ADAM22: variants seen among roughly 807,000 people sequenced by gnomAD.
ADAM22 encodes disintegrin and metalloproteinase domain-containing protein 22.
In ADAM22, 65 loss-of-function variants were observed where a neutral mutation model predicts 144.6. That is an observed-to-expected ratio of 0.45 (90% CI 0.37 to 0.55). The LOEUF (loss-of-function observed/expected upper bound fraction) is 0.55. ADAM22 is among the 20% of genes least tolerant of loss of function. ADAM22 has a pLI of 0.00. For synonymous variants in ADAM22, 391 were observed against 412.6 expected (o/e 0.95, Z 0.63); for missense variants, 974 against 1,184.9 (o/e 0.82, Z 2.61).
intron 26 of ADAM22, among the ~76,000 whole-genome samples, chr7:88,174,081 A>T (rs1845026328): frequency 6.6e-6 from 1 of 152,122 alleles, no homozygotes; most frequent in Non-Finnish European, 1.5e-5. Context: ...AATGGCTCAG[A>T]AGTACCAAAA....
chr7:88,036,234 C>A (rs1252369379), intron 3 of ADAM22, among the ~76,000 whole-genome samples: 1 of 151,994 alleles, frequency 6.6e-6, no homozygotes, highest in Non-Finnish European at 1.5e-5. Flanking sequence ...TGGAAATTAC[C>A]AAAACCTTCA....
chr7:88,009,186 C>T (rs1221381672), intron 3 of ADAM22, among the ~76,000 whole-genome samples: 1 of 152,074 alleles, frequency 6.6e-6, no homozygotes, highest in Middle Eastern at 3.2e-3. Flanking sequence ...GAATTAATGA[C>T]CCCCATGACA....
At chr7:87,982,064 T>TACAC (rs1250869235) in intron 3 of ADAM22, among the ~76,000 whole-genome samples, 61 of 79,316 alleles carry the variant, frequency 7.7e-4, no homozygotes, top group Middle Eastern at 6.6e-3. Context: ...TATATATATA[T>TACAC]ATATACACAC....
intron 3 of ADAM22, 67 bp downstream of exon 3, chr7:87,978,479 AG>A: frequency 1.4e-6 from 2 of 1,411,062 alleles, no homozygotes; most frequent in African/African-American, 2.9e-5. Context: ...CCACTTGTAA[AG>A]TTTTTTCTTA....
chr7:87,972,852 C>G (rs1335819152), intron 2 of ADAM22, among the ~76,000 whole-genome samples: 9 of 152,144 alleles, frequency 5.9e-5, no homozygotes, highest in African/African-American at 2.2e-4. Flanking sequence ...AAAGGATTCC[C>G]TATTTAATAA....
chr7:88,131,686 T>TA (rs1286307179), intron 11 of ADAM22: 3 of 515,296 alleles, frequency 5.8e-6, no homozygotes, highest in Non-Finnish European at 1.0e-5. Context: ...ATTTACTGAG[T>TA]AAAAATACTG....
chr7:88,068,963 C>T (rs1488051349), intron 3 of ADAM22, among the ~76,000 whole-genome samples: 1 of 152,072 alleles, frequency 6.6e-6, no homozygotes, highest in African/African-American at 2.4e-5. Flanking sequence ...ATTTAATTGC[C>T]ATTGTAACAG....
At chr7:87,996,603 A>T (rs1225165138) in intron 3 of ADAM22, among the ~76,000 whole-genome samples, 1 of 152,184 alleles carries the variant, frequency 6.6e-6, no homozygotes, top group Non-Finnish European at 1.5e-5. Context: ...AGGGAATATT[A>T]TTGGGACATG....
chr7:88,130,234 C>CT (rs1464724289), intron 9 of ADAM22, among the ~76,000 whole-genome samples, 154 bp from the exon 10 acceptor site: 2 of 151,720 alleles, frequency 1.3e-5, no homozygotes, highest in East Asian at 3.9e-4. Flanking sequence ...AGCTCTGACT[C>CT]TGACATTGTT....
intron 4 of ADAM22, among the ~76,000 whole-genome samples, chr7:88,078,461 C>A (rs1815353549): frequency 6.6e-6 from 1 of 152,268 alleles, no homozygotes; most frequent in Admixed American, 6.5e-5. Context: ...CAAAGGAGCG[C>A]AGCTCCTCGC....
At chr7:88,144,902 T>C (rs1448051584) in intron 15 of ADAM22, among the ~76,000 whole-genome samples, 2 of 152,044 alleles carry the variant, frequency 1.3e-5, no homozygotes, top group Non-Finnish European at 2.9e-5. Flanking sequence ...AATATATAGG[T>C]AAACTATTTA....
rs561799540 is a variant in ADAM22 at position 88,066,467 on chromosome 7, G to A, written c.324-9159G>A. Among the ~76,000 whole-genome samples the A allele has an allele frequency of 3.9e-5, 6 of 152,168 alleles. No individual in the cohort carries two copies. The South Asian group carries it at 1.0e-3, about 26-fold the overall frequency. On this transcript the variant is annotated intron_variant, in intron 3 of 31. Transcript: ENST00000413139. ...CAAGCAAGATCAGGAGCCCAAGTTT[G>A]GACATGTTAAGTGTGATGCTTATTT...
intron 3 of ADAM22, among the ~76,000 whole-genome samples, chr7:88,003,213 C>T (rs1792989054): frequency 6.6e-6 from 1 of 152,190 alleles, no homozygotes; most frequent in Non-Finnish European, 1.5e-5. Flanking sequence ...GAAAGTTAAA[C>T]AGCTAAAACT....
intron 3 of ADAM22, among the ~76,000 whole-genome samples, chr7:88,043,891 G>A (rs908213452): frequency 1.3e-5 from 2 of 152,136 alleles, no homozygotes; most frequent in African/African-American, 4.8e-5. Flanking sequence ...TTTAATCAGT[G>A]TGCATGCCAT....
At chr7:87,950,001 T>C (rs1334228383) in intron 2 of ADAM22, among the ~76,000 whole-genome samples, 1 of 151,930 alleles carries the variant, frequency 6.6e-6, no homozygotes, top group Non-Finnish European at 1.5e-5. Flanking sequence ...GAAATCTTCA[T>C]GCCTCTAAAA....
chr7:87,961,567 T>C (rs1466558624), intron 2 of ADAM22, among the ~76,000 whole-genome samples: 1 of 152,236 alleles, frequency 6.6e-6, no homozygotes, highest in East Asian at 1.9e-4. Flanking sequence ...TTGTATTTTA[T>C]GTTTAGTACA....
chr7:87,957,060 A>C (rs1488062350), intron 2 of ADAM22, among the ~76,000 whole-genome samples: 2 of 152,148 alleles, frequency 1.3e-5, no homozygotes, highest in African/African-American at 4.8e-5. Flanking sequence ...GATCTTACCC[A>C]CAACTTTAAA....
At chr7:88,138,105 T>C (rs1046379568) in intron 14 of ADAM22, among the ~76,000 whole-genome samples, 4 of 152,062 alleles carry the variant, frequency 2.6e-5, no homozygotes, top group African/African-American at 9.7e-5. Flanking sequence ...CGGTGAGCCA[T>C]GATTGTGCCA....
chr7:88,193,193 C>T lies in ADAM22; in HGVS notation c.2828C>T (p.Pro943Leu). ...AGCAGAAAATACCCTTACCCAATGC[C>T]TCCACTTCCTGATGAGGACAAGAAA... Reference protein sequence around the residue: ...ASSRKYPYPMPPLPDEDKKVN... With the variant: ...ASSRKYPYPMLPLPDEDKKVN... The change falls in exon 31 of 32, where the codon CCT becomes CTT. Residue 943 changes from proline (P) to leucine (L), a missense_variant. Physicochemically the swap from Pro to Leu is moderately conservative, Grantham distance 98. Around this residue, in one of 2 missense-constraint regions of ADAM22, gnomAD observed 734 missense variants for 950.6 expected, o/e 0.77. Transcript: ENST00000413139. 6.2e-7 allele frequency: 1 copy of T among 1,614,112 alleles called. No individual in the cohort carries two copies. The highest frequency in any genetic ancestry group is 8.5e-7 in the Non-Finnish European group (1 of 1,179,968).
Sources: allele counts gnomAD v4.1 joint callset (sites outside exome capture counted in the v4.1 genomes callset), GRCh38; gene constraint gnomAD v4.1.1; regional missense constraint gnomAD v4.1.1; transcripts MANE v1.5; gene names NCBI Gene and HGNC (gene_info 2026-07-23, HGNC 2026-07-21).